The following HS3ST4 variants were observed in gnomAD, a reference collection of about 807,000 sequenced individuals.
The protein encoded by HS3ST4 is heparan sulfate-glucosamine 3-sulfotransferase 4, also known as heparan sulfate glucosamine 3-O-sulfotransferase 4.
Under a neutral mutation model 29.2 loss-of-function variants are expected in HS3ST4, and 17 were observed. The observed-to-expected ratio is 0.58, with a 90% CI of 0.40 to 0.87. HS3ST4 has a LOEUF of 0.87. Ranked by LOEUF, HS3ST4 falls within the 40% of genes least tolerant of loss-of-function variation. HS3ST4 has a pLI of 0.00. For synonymous variants in HS3ST4, 314 were observed against 285.7 expected (o/e 1.10, Z -1.00); for missense variants, 627 against 634.5 (o/e 0.99, Z 0.13).
chr16:26,024,338 C>T (rs1969446074), intron 1 of HS3ST4, among the ~76,000 whole-genome samples: 1 of 152,030 alleles, frequency 6.6e-6, no homozygotes, highest in Non-Finnish European at 1.5e-5. Context: ...ATTAGTTATG[C>T]TGCCTCATGG....
intron 1 of HS3ST4, among the ~76,000 whole-genome samples, 155 bp downstream of exon 1, chr16:25,693,306 G>C (rs920728509): frequency 2.0e-5 from 3 of 152,180 alleles, no homozygotes; most frequent in Non-Finnish European, 2.9e-5. Flanking sequence ...TGCTCAGGGG[G>C]ATCGGCTGAG....
intron 1 of HS3ST4, among the ~76,000 whole-genome samples, chr16:26,089,722 G>A (rs1023492371): frequency 1.3e-4 from 20 of 152,172 alleles, no homozygotes; most frequent in African/African-American, 4.3e-4. Flanking sequence ...TTTTGCTTCT[G>A]TTCGCTTTCA....
chr16:26,122,179 C>CAAA lies in HS3ST4; in HGVS notation c.735-13418_735-13416dup, dbSNP rs200699173. On this transcript the variant is annotated intron_variant, in intron 1 of 1. Transcript: ENST00000331351. Reference sequence around the variant, plus strand: ...TACTAAACATTGAGTATAAACTAAGCAAAAAAAAAAAAAAAAATCACATAT... The same window carrying CAAA: ...TACTAAACATTGAGTATAAACTAAGCAAAAAAAAAAAAAAAAAAAATCACATAT... Among the ~76,000 whole-genome samples the CAAA allele has an allele frequency of 6.7e-3, 674 of 101,296 alleles. 11 individuals carry two copies. Among genetic ancestry groups the CAAA allele is most frequent in the African/African-American group, 0.016 (471 of 29,964 alleles). The allele number at this position is 101,296 out of a possible 152,430, so 66.5% of individuals were successfully genotyped here. A position where few individuals can be genotyped will look rare whatever the true frequency, so the allele number is the denominator to read the frequency against.
intron 1 of HS3ST4, among the ~76,000 whole-genome samples, chr16:25,980,739 G>T (rs778121121): frequency 2.6e-5 from 4 of 152,112 alleles, no homozygotes; most frequent in Non-Finnish European, 4.4e-5. Flanking sequence ...ACAAGGAAAT[G>T]ACTGTCATGA....
In HS3ST4 at chr16:25,790,866, A is replaced by G. The variant is rs1020540729; in HGVS notation, c.734+97715A>G. 5.9e-5 allele frequency among the ~76,000 whole-genome samples: 9 copies of G among 152,170 alleles called. No individual in the cohort carries two copies. In the East Asian group the frequency reaches 1.3e-3, roughly 23 times the overall value. Reference sequence around the variant, plus strand: ...GTGCCGATGTTTTTTCATACACTCTATGGTCTTTCTGAGTAGTAATTCTTA... The same window carrying G: ...GTGCCGATGTTTTTTCATACACTCTGTGGTCTTTCTGAGTAGTAATTCTTA... On this transcript the variant is annotated intron_variant, in intron 1 of 1. Coordinates refer to ENST00000331351, the MANE Select transcript of HS3ST4 (RefSeq NM_006040.3).
intron 1 of HS3ST4, among the ~76,000 whole-genome samples, chr16:25,926,512 C>A (rs1367392248): frequency 6.6e-6 from 1 of 152,224 alleles, no homozygotes; most frequent in African/African-American, 2.4e-5. Flanking sequence ...TGATCTAGAA[C>A]AAACTTTAAT....
chr16:25,917,618 A>G (rs548584727), intron 1 of HS3ST4, among the ~76,000 whole-genome samples: 26 of 152,328 alleles, frequency 1.7e-4, no homozygotes, highest in African/African-American at 6.0e-4. Flanking sequence ...TTGGAGAGTT[A>G]TGGAGGCAAT....
At position 25,739,506 on chromosome 16, in the gene HS3ST4, A is replaced by AAAAC. The variant is rs112438238; in HGVS notation, c.734+46375_734+46378dup. On this transcript the variant is annotated intron_variant, in intron 1 of 1. Transcript: ENST00000331351. ...TCCTTTTCTGTGCATGACATGCTTA[A>AAAAC]AAACAAACAAACAAACAAACAAAAA... is the stretch of plus-strand genomic sequence containing the variant. Among the ~76,000 whole-genome samples, 892 of 152,238 alleles carry AAAAC rather than the reference A, an allele frequency of 5.9e-3. 5 individuals are homozygous for AAAAC. Among genetic ancestry groups the AAAAC allele is most frequent in the African/African-American group, 0.02 (841 of 41,504 alleles).
chr16:25,995,326 G>A (rs1969149651), intron 1 of HS3ST4, among the ~76,000 whole-genome samples: 1 of 152,170 alleles, frequency 6.6e-6, no homozygotes, highest in African/African-American at 2.4e-5. Flanking sequence ...TGCAGGTATG[G>A]CTGTATCTAG....
chr16:25,993,715 T>C (rs1429521493), intron 1 of HS3ST4, among the ~76,000 whole-genome samples: 2 of 151,888 alleles, frequency 1.3e-5, no homozygotes, highest in African/African-American at 4.8e-5. Context: ...ATGCACTCGA[T>C]AAATGTCAGG....
chr16:26,067,649 A>T (rs1038144572), intron 1 of HS3ST4, among the ~76,000 whole-genome samples: 1 of 152,188 alleles, frequency 6.6e-6, no homozygotes, highest in Non-Finnish European at 1.5e-5. Context: ...AGGGAAGTTC[A>T]GCTTTCTTTA....
chr16:25,742,567 G>T (rs1049267681), intron 1 of HS3ST4, among the ~76,000 whole-genome samples: 2 of 152,194 alleles, frequency 1.3e-5, no homozygotes, highest in Non-Finnish European at 2.9e-5. Context: ...GATAATAGGG[G>T]TGCTATTAGA....
intron 1 of HS3ST4, among the ~76,000 whole-genome samples, chr16:25,983,723 G>A (rs1969032809): frequency 6.6e-6 from 1 of 152,200 alleles, no homozygotes; most frequent in South Asian, 2.1e-4. Flanking sequence ...ATGAATGAAT[G>A]AAAGTGTGAA....
chr16:25,860,139 A>G (rs943811508), intron 1 of HS3ST4, among the ~76,000 whole-genome samples: 8 of 152,106 alleles, frequency 5.3e-5, no homozygotes, highest in East Asian at 1.9e-4. Flanking sequence ...CACGAAACCA[A>G]TCCCTGGTGC....
chr16:26,011,986 G>C (rs534889264), intron 1 of HS3ST4, among the ~76,000 whole-genome samples: 94 of 152,290 alleles, frequency 6.2e-4, no homozygotes, highest in Non-Finnish European at 2.2e-4. Flanking sequence ...GGAAAAGATT[G>C]AGAGGACTAT....
chr16:26,053,953 C>T (rs532062909), intron 1 of HS3ST4, among the ~76,000 whole-genome samples: 1 of 152,066 alleles, frequency 6.6e-6, no homozygotes, highest in Non-Finnish European at 1.5e-5. Flanking sequence ...GGGATCTACA[C>T]CAGGGGAGGC....
chr16:26,084,658 G>T lies in HS3ST4; in HGVS notation c.735-50954G>T, dbSNP rs73520189. Reference sequence around the variant, plus strand: ...GACTTGCTCTGTCACCCAGGCTCTGGAGTACAGTAGCATGATCATAGCTCA... The same window carrying T: ...GACTTGCTCTGTCACCCAGGCTCTGTAGTACAGTAGCATGATCATAGCTCA... On this transcript the variant is annotated intron_variant, in intron 1 of 1. Transcript: ENST00000331351. Among the ~76,000 whole-genome samples, 1,052 of 152,204 alleles carry T rather than the reference G, an allele frequency of 6.9e-3. 16 individuals carry two copies. Among genetic ancestry groups the T allele is most frequent in the African/African-American group, 0.024 (1,014 of 41,524 alleles).
intron 1 of HS3ST4, among the ~76,000 whole-genome samples, chr16:26,120,848 G>A (rs556829427): frequency 6.6e-6 from 1 of 152,250 alleles, no homozygotes; most frequent in South Asian, 2.1e-4. Flanking sequence ...GATGCACATG[G>A]GCTAAAAATG....
At chr16:25,754,296 A>G (rs1966741197) in intron 1 of HS3ST4, among the ~76,000 whole-genome samples, 1 of 152,046 alleles carries the variant, frequency 6.6e-6, no homozygotes, top group Non-Finnish European at 1.5e-5. Context: ...CACACTCCAT[A>G]CAGCTACCCA....
Sources: gnomAD v4.1 joint callset for allele counts (sites outside exome capture counted in the v4.1 genomes callset) on GRCh38, gnomAD v4.1.1 for gene constraint, MANE v1.5 for transcripts, NCBI Gene and HGNC (gene_info 2026-07-23, HGNC 2026-07-21) for gene names.